Variants in SLC2A5 observed in about 807,000 individuals in gnomAD.
SLC2A5 encodes solute carrier family 2, facilitated glucose transporter member 5.
In SLC2A5, 56 loss-of-function variants were observed where a neutral mutation model predicts 50.3. The ratio of observed to expected loss-of-function variants is 1.11; its 90% CI spans 0.90 to 1.39. The LOEUF (loss-of-function observed/expected upper bound fraction) is 1.39, where lower values mean the gene tolerates loss of function less well. SLC2A5 is among the 40% of genes most tolerant of loss of function. SLC2A5 has a pLI of 0.00. For synonymous variants in SLC2A5, 269 were observed against 281.9 expected (o/e 0.95, Z 0.46); for missense variants, 566 against 650.1 (o/e 0.87, Z 1.41).
chr1:9,040,302 G>T lies in SLC2A5; in HGVS notation c.572-113C>A. The T allele has an allele frequency of 7.6e-7, 1 of 1,314,474 alleles. No homozygotes were observed. Among genetic ancestry groups the T allele is most frequent in the Non-Finnish European group, 1.0e-6 (1 of 982,730 alleles). The allele number at this position is 1,314,474 out of a possible 1,614,324, so 81.4% of individuals were successfully genotyped here. ...TGAGTGGGGTGCAGGCTCCAGGAGG[G>T]CACAGCTTTCCCAGCCCTAAGAACA... On this transcript the variant is annotated intron_variant, in intron 5 of 11. Transcript: ENST00000377424. This position sits in a 1 kb window ranked among gnomAD's most constrained non-coding sequence, Gnocchi z 4.3.
intron 5 of SLC2A5, chr1:9,041,314 A>G (rs1391166416): frequency 6.3e-6 from 3 of 474,540 alleles, no homozygotes; most frequent in Non-Finnish European, 6.8e-6. Flanking sequence ...GGATGTCCTC[A>G]CCACCTCCCC....
chr1:9,080,599 C>A (rs111517105), intron 2 of SLC2A5, among the ~76,000 whole-genome samples: 1,749 of 152,270 alleles, frequency 0.011, 33 homozygotes, highest in African/African-American at 0.039. Context: ...CGTTGAGCAT[C>A]TTTTCACATT....
chr1:9,090,044 T>G (rs547923245), upstream of SLC2A5, among the ~76,000 whole-genome samples: 140 of 152,260 alleles, frequency 9.2e-4, 1 homozygote, highest in African/African-American at 3.0e-3. Context: ...GAGGGGCATA[T>G]AAGAAACAAA....
Position 9,040,351 on chromosome 1 carries a change from G to A in SLC2A5, c.572-162C>T, listed in dbSNP as rs1641268141. 7.3e-6 allele frequency: 6 copies of A among 817,006 alleles called. No individual in the cohort carries two copies. The highest frequency in any genetic ancestry group is 2.9e-5 in the Admixed American group (1 of 34,268). 50.6% of individuals were successfully genotyped at this position (817,006 alleles called of 1,614,324 possible). ...CAGCAACTCCCGACGGTGGACACTC[G>A]GGAAACACCTGCAGCAGGGATCAGC... On this transcript the variant is annotated intron_variant, in intron 5 of 11. Transcript: ENST00000377424. The surrounding 1 kb of genome is among the most constrained non-coding windows in gnomAD (Gnocchi z 4.3).
chr1:9,037,957 C>A lies in SLC2A5; in HGVS notation c.1242G>T (p.Val414=), dbSNP rs753651831. The change falls in exon 11 of 12, where the codon GTG becomes GTT. Residue 414 remains valine (V), a synonymous_variant. Transcript: ENST00000377424. ...TGGAGAGCCAGTGCACACTGCCCCC[C>A]ACCATGAAGGCAGATGGCCGAGAGG... The part of the protein sequence containing the change: ...LQSSRPSAFM[V]GGSVHWLSNF... 1.2e-6 allele frequency: 2 copies of A among 1,613,904 alleles called. No homozygotes were observed. The highest frequency in any genetic ancestry group is 1.1e-5 in the South Asian group (1 of 91,086).
In SLC2A5 at chr1:9,039,646, T is replaced by C. The variant is rs924210151; in HGVS notation, c.902A>G (p.Asp301Gly). 6.4e-7 allele frequency: 1 copy of C among 1,554,436 alleles called. No homozygotes were observed. The highest frequency in any genetic ancestry group is 1.4e-5 in the African/African-American group (1 of 72,792). ...CACGCCGGCGCTCAGGTAGATCTGG[T>C]CCGCGTAGTAGTAGATCTGCAAGGC... ...SGVNAIYYYA[D>G]QIYLSAGVPE... The change falls in exon 8 of 12, where the codon GAC becomes GGC. Residue 301 changes from aspartate to glycine, a missense_variant. Asp to Gly is a moderately conservative substitution (Grantham distance 94). Coordinates refer to ENST00000377424, the MANE Select transcript of SLC2A5 (RefSeq NM_003039.3).
chr1:9,060,653 C>A lies in SLC2A5; in HGVS notation c.34-2403G>T, dbSNP rs1185304241. 1.2e-4 allele frequency among the ~76,000 whole-genome samples: 16 copies of A among 131,608 alleles called. 2 individuals carry two copies. The South Asian group carries it at 1.6e-3, about 13-fold the overall frequency. The allele number at this position is 131,608 out of a possible 152,430, so 86.3% of individuals were successfully genotyped here. ...TACACACATACAGCCCACACACCCC[C>A]CACACACACACACCCCACACACACA... On this transcript the variant is annotated intron_variant, in intron 1 of 11. Transcript: ENST00000377424.
chr1:9,070,282 T>C (rs549423037), upstream of SLC2A5, among the ~76,000 whole-genome samples: 13 of 152,082 alleles, frequency 8.5e-5, no homozygotes, highest in African/African-American at 3.1e-4. Flanking sequence ...GGTTTTGCCA[T>C]GTTGGCCAGG....
intron 1 of SLC2A5, among the ~76,000 whole-genome samples, chr1:9,086,017 T>C (rs1642397574): frequency 6.6e-6 from 1 of 152,176 alleles, no homozygotes; most frequent in African/African-American, 2.4e-5. Flanking sequence ...CCCTCCCAGG[T>C]CCTCTGTTGA....
chr1:9,069,677 C>A, upstream of SLC2A5: 1 of 827,350 alleles, frequency 1.2e-6, no homozygotes, highest in South Asian at 1.5e-5. Flanking sequence ...CAGATTAAGT[C>A]AGAATAACCC....
At chr1:9,039,701 AG>A (rs1641243868) in intron 7 of SLC2A5, 39 bp from the exon 8 acceptor site, 1 of 1,465,024 alleles carries the variant, frequency 6.8e-7, no homozygotes, top group Non-Finnish European at 9.1e-7. Context: ...TGCCCGGAGG[AG>A]GCGGCCTCGG....
At position 9,053,298 on chromosome 1, in the gene SLC2A5, T is replaced by TACTA. The variant is rs1292010687; in HGVS notation, c.293+4149_293+4150insTAGT. On this transcript the variant is annotated intron_variant, in intron 3 of 11. Transcript: ENST00000377424. ...TATATTTATATATTGTATATTTATA[T>TACTA]TATATATTTATATATTGTATTTATA... 2.0e-3 allele frequency among the ~76,000 whole-genome samples: 110 copies of TACTA among 55,632 alleles called. 23 individuals carry two copies. The highest frequency in any genetic ancestry group is 2.6e-3 in the Non-Finnish European group (85 of 32,934). 36.5% of individuals were successfully genotyped at this position (55,632 alleles called of 152,430 possible).
intron 3 of SLC2A5, among the ~76,000 whole-genome samples, chr1:9,055,991 C>T (rs1641740725): frequency 6.6e-6 from 1 of 152,174 alleles, no homozygotes; most frequent in Non-Finnish European, 1.5e-5. Flanking sequence ...TATCAGACTC[C>T]TAAGTAGACA....
intron 1 of SLC2A5, among the ~76,000 whole-genome samples, chr1:9,059,536 C>CTTTTT (rs58395185): frequency 2.0e-5 from 2 of 98,406 alleles, no homozygotes; most frequent in African/African-American, 4.6e-5. Context: ...TACAGAGAAT[C>CTTTTT]TTTTTTTTTT....
intron 4 of SLC2A5, among the ~76,000 whole-genome samples, chr1:9,045,472 A>G (rs1288695749): frequency 1.3e-5 from 2 of 152,300 alleles, no homozygotes; most frequent in Admixed American, 1.3e-4. Flanking sequence ...TGCTGGAAAC[A>G]ATTCTGTATT....
intron 3 of SLC2A5, among the ~76,000 whole-genome samples, chr1:9,050,876 A>G (rs1426487089): frequency 6.6e-6 from 1 of 152,236 alleles, no homozygotes; most frequent in Non-Finnish European, 1.5e-5. Context: ...AGTAAAAGAA[A>G]TAATGGCAAA....
At chr1:9,058,997 G>C (rs368359522) in intron 1 of SLC2A5, among the ~76,000 whole-genome samples, 1 of 152,060 alleles carries the variant, frequency 6.6e-6, no homozygotes, top group East Asian at 1.9e-4. Flanking sequence ...CTCCCTACCA[G>C]AGTGTTTGCC....
intron 3 of SLC2A5, among the ~76,000 whole-genome samples, chr1:9,056,646 G>A (rs1641760132): frequency 6.6e-6 from 1 of 152,060 alleles, no homozygotes; most frequent in Non-Finnish European, 1.5e-5. Flanking sequence ...TTCTAACTAG[G>A]TCTTCCATAA....
chr1:9,045,177 G>C (rs754548373), intron 4 of SLC2A5, among the ~76,000 whole-genome samples: 7 of 152,148 alleles, frequency 4.6e-5, no homozygotes, highest in Non-Finnish European at 1.0e-4. Context: ...GAATTCAGCT[G>C]TCTTCTATTA....
Sources: gnomAD v4.1 joint callset for allele counts (sites outside exome capture counted in the v4.1 genomes callset) on GRCh38, gnomAD v4.1.1 for gene constraint, Gnocchi (gnomAD v3.1) non-coding constraint, MANE v1.5 for transcripts, NCBI Gene and HGNC (gene_info 2026-07-23, HGNC 2026-07-21) for gene names.